Variants in EPB41L5 observed in about 807,000 individuals in gnomAD.
The protein encoded by EPB41L5 is erythrocyte membrane protein band 4.1 like 5.
In EPB41L5, 55 loss-of-function variants were observed where a neutral mutation model predicts 106.6. That is an observed-to-expected ratio of 0.52 (90% confidence interval 0.42 to 0.65). The LOEUF is 0.65. EPB41L5 is among the 30% of genes least tolerant of loss of function. The probability of loss-of-function intolerance (pLI) is 0.00; values close to 1 mark genes in which losing one functional copy is unlikely to be tolerated. For synonymous variants in EPB41L5, 297 were observed against 306.7 expected (o/e 0.97, Z 0.33); for missense variants, 871 against 882.1 (o/e 0.99, Z 0.16).
chr2:120,074,684 G>A (rs1018081838), intron 5 of EPB41L5, among the ~76,000 whole-genome samples: 4 of 151,890 alleles, frequency 2.6e-5, no homozygotes, highest in African/African-American at 7.3e-5. Flanking sequence ...ATTTATTCAT[G>A]GTCTCTATTA....
intron 3 of EPB41L5, among the ~76,000 whole-genome samples, chr2:120,064,963 C>T (rs754196080): frequency 6.6e-5 from 10 of 152,174 alleles, no homozygotes; most frequent in Admixed American, 1.3e-4. Flanking sequence ...TCCTAAATCT[C>T]ACTTTAACAT....
intron 17 of EPB41L5, among the ~76,000 whole-genome samples, chr2:120,131,415 T>C (rs1558896484): frequency 6.6e-6 from 1 of 152,238 alleles, no homozygotes; most frequent in Admixed American, 6.5e-5. Context: ...GTGGTGTTTC[T>C]ACTTAGGATT....
rs921910309 is a variant in EPB41L5, at chr2:120,073,139, T to A, written c.286-39T>A. ...GTAATTCATTCAAATTTTAAAGTTC[T>A]GTCATCTGCTTAACTAAATTTTTGT... On this transcript the variant is annotated intron_variant, in intron 3 of 24. Transcript: ENST00000263713. 4.4e-6 allele frequency: 7 copies of A among 1,581,234 alleles called. No individual in the cohort carries two copies. The African/African-American group carries it at 9.5e-5, about 21-fold the overall frequency.
intron 2 of EPB41L5, among the ~76,000 whole-genome samples, chr2:120,034,825 T>C (rs1055937645): frequency 6.6e-6 from 1 of 152,242 alleles, no homozygotes; most frequent in African/African-American, 2.4e-5. Flanking sequence ...TGCATGCCGC[T>C]GCACTGTAAC....
chr2:120,105,899 G>A, intron 16 of EPB41L5: 1 of 984,946 alleles, frequency 1.0e-6, no homozygotes, highest in Non-Finnish European at 1.2e-6. Flanking sequence ...AAGGTTTCAT[G>A]GGTATGTATA....
At chr2:120,105,794 C>T (rs1574680379) in intron 16 of EPB41L5, 1 of 984,940 alleles carries the variant, frequency 1.0e-6, no homozygotes, top group East Asian at 1.1e-4. Flanking sequence ...ATGATAATTG[C>T]TAAGTATTGT....
intron 2 of EPB41L5, among the ~76,000 whole-genome samples, chr2:120,036,745 A>C (rs1558813059): frequency 6.6e-6 from 1 of 152,210 alleles, no homozygotes; most frequent in African/African-American, 2.4e-5. Context: ...TCTATAGAAC[A>C]CATTTGATGG....
chr2:120,049,842 C>CTT (rs1388664480), intron 3 of EPB41L5, among the ~76,000 whole-genome samples: 1 of 152,058 alleles, frequency 6.6e-6, no homozygotes, highest in Non-Finnish European at 1.5e-5. Flanking sequence ...TTCAGGAGCT[C>CTT]TTGTAAGGCA....
intron 2 of EPB41L5, among the ~76,000 whole-genome samples, chr2:120,033,270 C>T (rs1418532487): frequency 6.6e-6 from 1 of 152,150 alleles, no homozygotes; most frequent in Non-Finnish European, 1.5e-5. Flanking sequence ...TTATCTGTGA[C>T]TTATTTTCAT....
intron 9 of EPB41L5, 64 bp downstream of exon 9, chr2:120,077,380 A>G: frequency 7.1e-7 from 1 of 1,403,522 alleles, no homozygotes; most frequent in Admixed American, 1.8e-5. Flanking sequence ...GTGACTGTGG[A>G]ATTTTTCAGT....
At chr2:120,134,923 A>G (rs564095859) in intron 18 of EPB41L5, among the ~76,000 whole-genome samples, 3 of 152,294 alleles carry the variant, frequency 2.0e-5, no homozygotes, top group Admixed American at 2.0e-4. Flanking sequence ...AAGATCATCC[A>G]GGAAAACATG....
At chr2:120,105,356 A>G (rs1684389483) in intron 16 of EPB41L5, 3 of 973,492 alleles carry the variant, frequency 3.1e-6, no homozygotes, top group Middle Eastern at 5.2e-4. Flanking sequence ...AGAGTTTATA[A>G]TGCTTCAAGA....
In EPB41L5 at chr2:120,178,652, GT is replaced by G. The variant is rs1446271377; in HGVS notation, c.*3747del. The stretch of plus-strand genomic sequence containing the variant: ...TGGAAACTTTTCCTACATATTAGGC[GT>G]TAGTATGAGGACATTTGTTTGAATT... On this transcript the variant is annotated 3_prime_UTR_variant, in exon 25 of 25. Transcript: ENST00000263713. 1 of 152,224 alleles carries G rather than the reference GT, an allele frequency of 6.6e-6. No individual in the cohort carries two copies. The highest frequency in any genetic ancestry group is 1.5e-5 in the Non-Finnish European group (1 of 68,042). 9.4% of individuals were successfully genotyped at this position (152,224 alleles called of 1,614,324 possible).
At chr2:120,074,694 A>G (rs1336132003) in intron 5 of EPB41L5, among the ~76,000 whole-genome samples, 2 of 152,176 alleles carry the variant, frequency 1.3e-5, no homozygotes, top group Admixed American at 1.3e-4. Context: ...GGTCTCTATT[A>G]TAAATTCATT....
intron 18 of EPB41L5, among the ~76,000 whole-genome samples, chr2:120,136,739 A>G (rs1332346799): frequency 6.6e-6 from 1 of 152,126 alleles, no homozygotes; most frequent in African/African-American, 2.4e-5. Context: ...TGGAGTACCC[A>G]GATATGTAGA....
At chr2:120,140,873 G>T (rs1686144082) in intron 18 of EPB41L5, among the ~76,000 whole-genome samples, 1 of 152,014 alleles carries the variant, frequency 6.6e-6, no homozygotes, top group Non-Finnish European at 1.5e-5. Flanking sequence ...GTTTGCTTAA[G>T]GAATGCAAAT....
At chr2:120,022,515 A>T (rs1411571074) in intron 2 of EPB41L5, among the ~76,000 whole-genome samples, 1 of 152,108 alleles carries the variant, frequency 6.6e-6, no homozygotes, top group Non-Finnish European at 1.5e-5. Flanking sequence ...ACGTGAACTC[A>T]TCCTTTTTAT....
chr2:120,112,097 T>C (rs1684752520), intron 16 of EPB41L5, among the ~76,000 whole-genome samples: 1 of 152,162 alleles, frequency 6.6e-6, no homozygotes, highest in African/African-American at 2.4e-5. Context: ...CTTCTTTTTA[T>C]TTCCTGTCTG....
intron 20 of EPB41L5, among the ~76,000 whole-genome samples, chr2:120,157,731 T>C (rs1686960984): frequency 7.0e-6 from 1 of 142,752 alleles, no homozygotes; most frequent in Non-Finnish European, 1.5e-5. Context: ...ATTGCAGCAC[T>C]GCACTCCAAC....
Sources: allele counts gnomAD v4.1 joint callset (sites outside exome capture counted in the v4.1 genomes callset), GRCh38; gene constraint gnomAD v4.1.1; transcripts MANE v1.5; gene names NCBI Gene and HGNC (gene_info 2026-07-23, HGNC 2026-07-21).